ACADM: variants seen among roughly 807,000 people sequenced by gnomAD.
The protein encoded by ACADM is acyl-CoA dehydrogenase medium chain.
In ACADM, 49 loss-of-function variants were observed where a neutral mutation model predicts 58.9. The observed-to-expected ratio is 0.83, with a 90% confidence interval of 0.66 to 1.06. ACADM has a LOEUF of 1.06. Among genes scored for constraint, ACADM ranks in the 50% least tolerant of loss-of-function variants. The pLI is 0.00. For missense variants in ACADM, 496 were observed against 507.0 expected (o/e 0.98, Z 0.21); for synonymous variants, 160 against 157.7 (o/e 1.01, Z -0.11).
chr1:75,743,918 C>G, intron 7 of ACADM: 1 of 1,483,488 alleles, frequency 6.7e-7, no homozygotes, highest in Non-Finnish European at 9.4e-7. Flanking sequence ...AAGGCTGAGG[C>G]CTTCACAGAT....
intron 9 of ACADM, 120 bp downstream of exon 9, chr1:75,749,679 A>C (rs956634833): frequency 1.1e-6 from 1 of 945,302 alleles, no homozygotes; most frequent in African/African-American, 1.7e-5. Flanking sequence ...TTATTTTATT[A>C]AGGATATAGG....
chr1:75,752,649 C>A (rs1011522900), intron 10 of ACADM, among the ~76,000 whole-genome samples: 7 of 152,076 alleles, frequency 4.6e-5, no homozygotes, highest in African/African-American at 1.7e-4. Context: ...TTCCATTATA[C>A]CTTCTGTTCA....
intron 10 of ACADM, among the ~76,000 whole-genome samples, chr1:75,759,173 G>A (rs1174917291): frequency 1.3e-5 from 2 of 152,206 alleles, no homozygotes; most frequent in Admixed American, 6.5e-5. Context: ...AAGTCAGCAA[G>A]ACCAAGAACC....
chr1:75,759,851 G>A (rs1261455988), intron 10 of ACADM, among the ~76,000 whole-genome samples: 1 of 151,566 alleles, frequency 6.6e-6, no homozygotes, highest in Non-Finnish European at 1.5e-5. Context: ...AGTAGAGACG[G>A]GGTTTATCCA....
chr1:75,734,649 T>C, intron 5 of ACADM, 142 bp from the exon 6 acceptor site: 2 of 650,472 alleles, frequency 3.1e-6, no homozygotes, highest in South Asian at 3.6e-5. Flanking sequence ...TCATTCTAAC[T>C]TAGAGGCAAG....
chr1:75,749,030 A>C (rs1648052116), intron 8 of ACADM, among the ~76,000 whole-genome samples: 1 of 152,226 alleles, frequency 6.6e-6, no homozygotes, highest in African/African-American at 2.4e-5. Context: ...GCTTTCAAAC[A>C]TATAATGAGA....
At chr1:75,759,411 T>A (rs1648696179) in intron 10 of ACADM, among the ~76,000 whole-genome samples, 1 of 152,298 alleles carries the variant, frequency 6.6e-6, no homozygotes, top group Non-Finnish European at 1.5e-5. Context: ...AGACAGCACG[T>A]TGGAGATCCC....
chr1:75,740,278 G>A (rs1446529890), intron 7 of ACADM, among the ~76,000 whole-genome samples, 168 bp downstream of exon 7: 1 of 152,166 alleles, frequency 6.6e-6, no homozygotes, highest in East Asian at 1.9e-4. Flanking sequence ...CTAATTTTAA[G>A]CCCCTGCACT....
chr1:75,757,203 C>T (rs1274590493), intron 10 of ACADM, among the ~76,000 whole-genome samples: 1 of 152,120 alleles, frequency 6.6e-6, no homozygotes, highest in East Asian at 1.9e-4. Context: ...CCAAAATTGA[C>T]AATTGGGATC....
chr1:75,761,884 C>T (rs997266736), intron 11 of ACADM, among the ~76,000 whole-genome samples: 1 of 152,196 alleles, frequency 6.6e-6, no homozygotes, highest in African/African-American at 2.4e-5. Flanking sequence ...TAAGTAATTA[C>T]TTAATAATTA....
intron 8 of ACADM, among the ~76,000 whole-genome samples, chr1:75,746,214 A>G (rs1406496816): frequency 1.3e-5 from 2 of 152,208 alleles, no homozygotes; most frequent in African/African-American, 4.8e-5. Flanking sequence ...AGAATTCTGG[A>G]TATTTCAAGG....
intron 10 of ACADM, chr1:75,751,025 C>G: frequency 5.1e-6 from 1 of 197,064 alleles, no homozygotes; most frequent in Non-Finnish European, 1.1e-5. Flanking sequence ...GCCACTGGGC[C>G]CGGCCTTGTG....
At position 75,758,124 on chromosome 1, in the gene ACADM, G is replaced by A. The variant is rs141499062; in HGVS notation, c.946-2998G>A. Among the ~76,000 whole-genome samples, 139 of 151,916 alleles carry A rather than the reference G, an allele frequency of 9.1e-4. 1 individual carries two copies. The highest frequency in any genetic ancestry group is 3.4e-3 in the Middle Eastern group (1 of 294). Reference sequence around the variant, plus strand: ...GTTGCCCAGGCTGGAGTGTAATGGCGTAATCTTGGCTCACTGCAACCTCTG... The same window carrying A: ...GTTGCCCAGGCTGGAGTGTAATGGCATAATCTTGGCTCACTGCAACCTCTG... On this transcript the variant is annotated intron_variant, in intron 10 of 11. Coordinates refer to ENST00000370841, the MANE Select transcript of ACADM (RefSeq NM_000016.6).
At chr1:75,761,056 G>A in intron 10 of ACADM, 66 bp from the exon 11 acceptor site, 1 of 1,479,600 alleles carries the variant, frequency 6.8e-7, no homozygotes, top group Non-Finnish European at 9.2e-7. Flanking sequence ...AAATGAAAAA[G>A]CCCCAGGAAA....
chr1:75,753,478 T>G (rs1026789484), intron 10 of ACADM, among the ~76,000 whole-genome samples: 17 of 151,978 alleles, frequency 1.1e-4, no homozygotes, highest in African/African-American at 3.9e-4. Flanking sequence ...GAACTACATA[T>G]GTACATTTTA....
At chr1:75,728,225 A>T (rs1363491257) in intron 1 of ACADM, among the ~76,000 whole-genome samples, 176 bp from the exon 2 acceptor site, 2 of 152,214 alleles carry the variant, frequency 1.3e-5, no homozygotes, top group Non-Finnish European at 2.9e-5. Context: ...ATAGGAATTT[A>T]TATAACTGAT....
intron 7 of ACADM, 75 bp from the exon 8 acceptor site, chr1:75,745,731 G>T (rs1403299666): frequency 1.9e-6 from 2 of 1,063,384 alleles, no homozygotes; most frequent in East Asian, 2.4e-5. Context: ...ATTGTTAAGA[G>T]AATTAACTGA....
At chr1:75,744,134 G>A in intron 7 of ACADM, 1 of 1,580,198 alleles carries the variant, frequency 6.3e-7, no homozygotes, top group East Asian at 2.2e-5. Flanking sequence ...ACCTTTGCCA[G>A]CTCCTGGCTC....
At chr1:75,758,990 C>T (rs188186597) in intron 10 of ACADM, among the ~76,000 whole-genome samples, 1 of 152,338 alleles carries the variant, frequency 6.6e-6, no homozygotes, top group African/African-American at 2.4e-5. Flanking sequence ...TGGGTCCACA[C>T]CACCTTTAAG....
Sources: allele counts gnomAD v4.1 joint callset (sites outside exome capture counted in the v4.1 genomes callset), GRCh38; gene constraint gnomAD v4.1.1; transcripts MANE v1.5; gene names NCBI Gene and HGNC (gene_info 2026-07-23, HGNC 2026-07-21).